GRIN2A: variants seen among roughly 807,000 people sequenced by gnomAD.
GRIN2A encodes the protein glutamate ionotropic receptor NMDA type subunit 2A.
GRIN2A carries 22 observed loss-of-function variants against 113.4 expected under a neutral mutation model. The ratio of observed to expected loss-of-function variants is 0.19; its 90% CI spans 0.14 to 0.28. GRIN2A has a LOEUF of 0.28. GRIN2A is among the 10% of genes least tolerant of loss of function. The probability of loss-of-function intolerance (pLI) is 1.00; values close to 1 mark genes in which losing one functional copy is unlikely to be tolerated. For synonymous variants in GRIN2A, 827 were observed against 738.4 expected, an observed-to-expected ratio of 1.12 and a Z score of -1.94; for missense variants, 1,502 against 1,887.0, an observed-to-expected ratio of 0.80 and a Z score of 3.78.
intron 2 of GRIN2A, among the ~76,000 whole-genome samples, chr16:10,047,807 C>A (rs772265984): frequency 6.6e-5 from 10 of 152,170 alleles, no homozygotes; most frequent in Non-Finnish European, 1.3e-4. Flanking sequence ...TACCTCAGCT[C>A]CTCCACTCCT....
intron 2 of GRIN2A, among the ~76,000 whole-genome samples, chr16:10,057,446 A>G (rs8061676): frequency 0.29 from 44,771 of 152,032 alleles, 7,459 homozygotes; most frequent in Non-Finnish European, 0.37. Flanking sequence ...CTCTTCCCAA[A>G]TGGATATATA....
chr16:9,891,530 C>G (rs1460286561), intron 3 of GRIN2A, among the ~76,000 whole-genome samples: 1 of 152,180 alleles, frequency 6.6e-6, no homozygotes, highest in African/African-American at 2.4e-5. Flanking sequence ...CAGGACTCAG[C>G]TAGTTGGTTC....
At chr16:9,817,160 CT>C (rs1304515773) in intron 10 of GRIN2A, among the ~76,000 whole-genome samples, 2 of 152,208 alleles carry the variant, frequency 1.3e-5, no homozygotes, top group Non-Finnish European at 2.9e-5. Flanking sequence ...CTTGTCTACT[CT>C]GTATATGCCT....
chr16:9,994,653 G>T (rs570400765), intron 2 of GRIN2A, among the ~76,000 whole-genome samples: 2 of 152,320 alleles, frequency 1.3e-5, no homozygotes, highest in South Asian at 4.1e-4. Context: ...GGGCAGGGAA[G>T]GGTTTGAATA....
intron 4 of GRIN2A, among the ~76,000 whole-genome samples, chr16:9,872,383 C>T (rs764178183): frequency 4.6e-5 from 7 of 152,162 alleles, no homozygotes; most frequent in Non-Finnish European, 1.0e-4. Context: ...TCTTTGTCTA[C>T]GTAGACTAGT....
At chr16:10,085,496 G>T (rs1358763795) in intron 2 of GRIN2A, among the ~76,000 whole-genome samples, 1 of 152,188 alleles carries the variant, frequency 6.6e-6, no homozygotes, top group Non-Finnish European at 1.5e-5. Context: ...TAGAGGACAT[G>T]AAGGCACTCA....
chr16:10,010,149 C>T (rs1317324029), intron 2 of GRIN2A, among the ~76,000 whole-genome samples: 1 of 152,212 alleles, frequency 6.6e-6, no homozygotes, highest in African/African-American at 2.4e-5. Context: ...TTCCTTTCTC[C>T]TTTCTGATAA....
chr16:10,003,708 G>C (rs967203218), intron 2 of GRIN2A, among the ~76,000 whole-genome samples: 2 of 152,224 alleles, frequency 1.3e-5, no homozygotes, highest in Non-Finnish European at 2.9e-5. Context: ...GAGCCACATG[G>C]AGTCTAGATG....
At chr16:9,981,442 C>T (rs2045890325) in intron 2 of GRIN2A, among the ~76,000 whole-genome samples, 1 of 152,196 alleles carries the variant, frequency 6.6e-6, no homozygotes, top group Non-Finnish European at 1.5e-5. Context: ...GTATAACAAA[C>T]CCCCATGTAT....
intron 2 of GRIN2A, among the ~76,000 whole-genome samples, chr16:10,028,900 A>T (rs1158460648): frequency 6.6e-6 from 1 of 152,232 alleles, no homozygotes; most frequent in Non-Finnish European, 1.5e-5. Flanking sequence ...GGGCTGGAGA[A>T]CCACAGCTTG....
chr16:10,088,031 C>T (rs971594634), intron 2 of GRIN2A, among the ~76,000 whole-genome samples: 33 of 151,960 alleles, frequency 2.2e-4, no homozygotes, highest in Admixed American at 2.0e-4. Context: ...TTTATTATTG[C>T]TATTATCAGT....
At chr16:10,158,441 A>G (rs2049747355) in intron 2 of GRIN2A, among the ~76,000 whole-genome samples, 2 of 152,236 alleles carry the variant, frequency 1.3e-5, no homozygotes, top group South Asian at 4.1e-4. Context: ...AGAATTGAAA[A>G]CAGGTGTTCA....
In GRIN2A at chr16:9,764,125, G is replaced by T; in HGVS notation, c.3419C>A (p.Thr1140Asn). The T allele has an allele frequency of 6.2e-7, 1 of 1,613,772 alleles. No individual in the cohort carries two copies. Among genetic ancestry groups the T allele is most frequent in the South Asian group, 1.1e-5 (1 of 91,064 alleles). The stretch of plus-strand genomic sequence containing the variant: ...CGGGAAGTCCACGTTCTCGGGCAGG[G>T]TCACATTTTCAACAAACTGGGGTGG... ...LDPPQFVENV[T>N]LPENVDFPDP... Residue 1140 changes from threonine to asparagine, a missense_variant, in exon 13 of 13, where the codon ACC becomes AAC. By Grantham distance (65) the Thr-to-Asn change is moderately conservative. This residue lies in a region of GRIN2A where 832 missense variants were observed against 789.7 expected (regional missense o/e 1.05). Coordinates refer to ENST00000330684, the MANE Select transcript of GRIN2A (RefSeq NM_001134407.3).
chr16:9,965,741 T>C (rs1299163718), intron 2 of GRIN2A, among the ~76,000 whole-genome samples: 1 of 152,152 alleles, frequency 6.6e-6, no homozygotes, highest in Non-Finnish European at 1.5e-5. Flanking sequence ...AAGGGTGATA[T>C]TTACATTCTA....
chr16:10,035,779 A>G (rs545826505), intron 2 of GRIN2A, among the ~76,000 whole-genome samples: 2 of 149,536 alleles, frequency 1.3e-5, no homozygotes, highest in South Asian at 4.2e-4. Context: ...GCTGGAGTGC[A>G]GTGGTATGAT....
chr16:9,832,584 G>A (rs2042515911), intron 8 of GRIN2A, among the ~76,000 whole-genome samples: 1 of 152,028 alleles, frequency 6.6e-6, no homozygotes, highest in Non-Finnish European at 1.5e-5. Flanking sequence ...ATTATCTCTG[G>A]CAGCAGTATA....
intron 2 of GRIN2A, among the ~76,000 whole-genome samples, chr16:10,119,264 G>A (rs971753434): frequency 6.6e-6 from 1 of 152,216 alleles, no homozygotes; most frequent in Non-Finnish European, 1.5e-5. Flanking sequence ...ATCAAGTTGG[G>A]TGGGAACCTC....
rs71400495 is a variant in GRIN2A at position 9,792,079 on chromosome 16, T to TTGTG, written c.2356+6194_2356+6197dup. On this transcript the variant is annotated intron_variant, in intron 11 of 12. Coordinates refer to ENST00000330684, the MANE Select transcript of GRIN2A (RefSeq NM_001134407.3). ...ACAGAGGGAACCTGATGAAGTAAAA[T>TTGTG]TGTGTGTGTGTGTGTGTGTGTGTGT... Among the ~76,000 whole-genome samples, 314 of 112,328 alleles carry TTGTG rather than the reference T, an allele frequency of 2.8e-3. 2 individuals carry two copies. The highest frequency in any genetic ancestry group is 0.017 in the Middle Eastern group (4 of 238). 73.7% of individuals were successfully genotyped at this position (112,328 alleles called of 152,430 possible). A position where few individuals can be genotyped will look rare whatever the true frequency, so the allele number is the denominator to read the frequency against.
At position 9,840,958 on chromosome 16, in the gene GRIN2A, A is replaced by C. The variant is rs2042666593; in HGVS notation, c.1475T>G (p.Val492Gly). Residue 492 changes from valine to glycine, a missense_variant, in exon 6 of 13, where the codon GTG (valine) becomes GGG (glycine). Val to Gly is a moderately radical substitution (Grantham distance 109). Transcript: ENST00000330684. ...NGKHGKKVNN[V>G]WNGMIGEVVY... ...TACTTCACCGATCATTCCATTCCACACATTGTTAACTTTCTTGCCATGCTT... is the reference window on the plus strand; with the variant it reads ...TACTTCACCGATCATTCCATTCCACCCATTGTTAACTTTCTTGCCATGCTT... The C allele has an allele frequency of 6.2e-7, 1 of 1,613,956 alleles. No individual in the cohort carries two copies. The highest frequency in any genetic ancestry group is 8.5e-7 in the Non-Finnish European group (1 of 1,179,922).
Sources: gnomAD v4.1 joint callset for allele counts (sites outside exome capture counted in the v4.1 genomes callset) on GRCh38, gnomAD v4.1.1 for gene constraint, gnomAD v4.1.1 regional missense constraint, MANE v1.5 for transcripts, NCBI Gene and HGNC (gene_info 2026-07-23, HGNC 2026-07-21) for gene names.